Variants in MUC4 observed in about 807,000 individuals in gnomAD.
MUC4 encodes the protein mucin 4, cell surface associated, also known as mucin-4.
A neutral mutation model predicts 257.9 loss-of-function variants in MUC4; 202 were observed. The ratio of observed to expected loss-of-function variants is 0.78; its 90% CI spans 0.70 to 0.88. The LOEUF (loss-of-function observed/expected upper bound fraction) is 0.88. MUC4 is among the 40% of genes least tolerant of loss of function. The pLI is 0.00. For synonymous variants in MUC4, 2,351 were observed against 2,757.1 expected (o/e 0.85, Z 4.62); for missense variants, 5,976 against 6,513.7 (o/e 0.92, Z 2.84).
chr3:195,799,016 C>T (rs888689471), intron 1 of MUC4, among the ~76,000 whole-genome samples: 22 of 152,226 alleles, frequency 1.4e-4, no homozygotes, highest in African/African-American at 5.1e-4. Flanking sequence ...AGCCACTCCC[C>T]CAACTGGAAG....
Position 195,783,131 on chromosome 3 carries a change from GAGAGGTGGCGTGACCTGT to G in MUC4, c.8431_8448del (p.Thr2811_Ser2816del). ...ACTGAGGAAGCGTCGGTGACAGGAA[GAGAGGTGGCGTGACCTGT>G]GGACACTGACGAAGCGTCGGTGACA... On this transcript the variant is annotated inframe_deletion, in exon 2 of 25. Transcript: ENST00000463781. 1 of 1,294,162 alleles carries G rather than the reference GAGAGGTGGCGTGACCTGT, an allele frequency of 7.7e-7. No individual in the cohort carries two copies. Among genetic ancestry groups the G allele is most frequent in the Non-Finnish European group, 1.0e-6 (1 of 971,046 alleles). The allele number at this position is 1,294,162 out of a possible 1,614,324, so 80.2% of individuals were successfully genotyped here. A position where few individuals can be genotyped will look rare whatever the true frequency, so the allele number is the denominator to read the frequency against.
intron 3 of MUC4, among the ~76,000 whole-genome samples, chr3:195,775,325 G>A (rs1056033109): frequency 2.3e-5 from 1 of 43,044 alleles, no homozygotes; most frequent in Non-Finnish European, 4.5e-5. Context: ...AAATGCTTCG[G>A]GGATCCACCC....
chr3:195,754,891 ATCCATGTATGTATGTG>A (rs1199620281), intron 18 of MUC4, among the ~76,000 whole-genome samples: 1 of 75,200 alleles, frequency 1.3e-5, no homozygotes, highest in Non-Finnish European at 3.1e-5. Context: ...CCATGTATGT[ATCCATGTATGTATGTG>A]TGTGTCATGC....
intron 1 of MUC4, among the ~76,000 whole-genome samples, chr3:195,809,125 C>A (rs1736371749): frequency 6.6e-6 from 1 of 152,184 alleles, no homozygotes; most frequent in Non-Finnish European, 1.5e-5. Flanking sequence ...CAGTAGACAC[C>A]AAATTTCCAT....
intron 24 of MUC4, among the ~76,000 whole-genome samples, chr3:195,747,812 G>T (rs1715362105): frequency 6.6e-6 from 1 of 152,288 alleles, no homozygotes; most frequent in Non-Finnish European, 1.5e-5. Context: ...AGTGAGCCGA[G>T]ATTGCAACAC....
At position 195,789,094 on chromosome 3, in the gene MUC4, C is replaced by T; in HGVS notation, c.2486G>A (p.Arg829Lys). Residue 829 changes from arginine (R) to lysine (K), a missense_variant, in exon 2 of 25, where the codon AGG becomes AAG. Arg to Lys is a conservative substitution (Grantham distance 26). This residue lies in a region of MUC4 where 1,583 missense variants were observed against 1,257.4 expected (regional missense o/e 1.26). Coordinates refer to ENST00000463781, the MANE Select transcript of MUC4 (RefSeq NM_018406.7). Reference protein sequence around the residue: ...EGISTSGETTRFSSNPSRDSH... With the variant: ...EGISTSGETTKFSSNPSRDSH... Reference sequence around the variant, plus strand: ...GTCCCTGGAGGGGTTTGATGAAAACCTTGTCGTCTCTCCTGAGGTGGATAT... The same window carrying T: ...GTCCCTGGAGGGGTTTGATGAAAACTTTGTCGTCTCTCCTGAGGTGGATAT... The T allele has an allele frequency of 6.2e-7, 1 of 1,613,104 alleles. No homozygotes were observed. The highest frequency in any genetic ancestry group is 8.5e-7 in the Non-Finnish European group (1 of 1,179,478).
intron 7 of MUC4, among the ~76,000 whole-genome samples, chr3:195,768,739 A>T (rs1228734183): frequency 2.6e-5 from 4 of 152,242 alleles, no homozygotes; most frequent in African/African-American, 9.6e-5. Flanking sequence ...AGAAGGTAAG[A>T]GAGGCCAGCT....
At position 195,785,024 on chromosome 3, in the gene MUC4, A is replaced by T. The variant is rs530130152; in HGVS notation, c.6556T>A (p.Ser2186Thr). 3.9e-6 allele frequency: 6 copies of T among 1,549,696 alleles called. No individual in the cohort carries two copies. Among genetic ancestry groups the T allele is most frequent in the East Asian group, 4.9e-5 (2 of 41,048 alleles). The change falls in exon 2 of 25, where the codon TCC becomes ACC. Residue 2186 changes from serine to threonine, a missense_variant. Coordinates refer to ENST00000463781, the MANE Select transcript of MUC4 (RefSeq NM_018406.7). Reference protein sequence around the residue: ...SLPVTDTSSASTGHATPLPVT... With the variant: ...SLPVTDTSSATTGHATPLPVT... ...GGAAGAGGGGTGGCGTGACCTGTGG[A>T]TGCTGAGGAAGTGTCGGTGACAGGA...
chr3:195,760,470 G>C (rs2550276), intron 16 of MUC4, among the ~76,000 whole-genome samples: 50,676 of 81,480 alleles, frequency 0.62, 18,335 homozygotes, highest in African/African-American at 0.67. Flanking sequence ...GCTGGGAAGG[G>C]GTCCAGCGCT....
At chr3:195,792,702 T>G (rs1175524527) in intron 1 of MUC4, among the ~76,000 whole-genome samples, 1 of 152,202 alleles carries the variant, frequency 6.6e-6, no homozygotes, top group Non-Finnish European at 1.5e-5. Context: ...TGCAGCACTA[T>G]TTACAATAGT....
In MUC4 at chr3:195,753,036, G is replaced by T; in HGVS notation, c.15508+15C>A. On this transcript the variant is annotated intron_variant, in intron 20 of 24. Coordinates refer to ENST00000463781, the MANE Select transcript of MUC4 (RefSeq NM_018406.7). Reference sequence around the variant, plus strand: ...GAAGAGTGCGGGGGTGAGAGGGCGGGGTCTCTGGCGGTACCTAGGTTGACA... The same window carrying T: ...GAAGAGTGCGGGGGTGAGAGGGCGGTGTCTCTGGCGGTACCTAGGTTGACA... 6.2e-7 allele frequency: 1 copy of T among 1,606,912 alleles called. No homozygotes were observed.
In MUC4 at chr3:195,778,929, TGCTG is replaced by T. The variant is rs1725756839; in HGVS notation, c.12647_12650del (p.Ser4216TyrfsTer42). 2.0e-6 allele frequency: 3 copies of T among 1,507,620 alleles called. No homozygotes were observed. The highest frequency in any genetic ancestry group is 2.7e-6 in the Non-Finnish European group (3 of 1,124,022). 93.4% of individuals were successfully genotyped at this position (1,507,620 alleles called of 1,614,324 possible). ...GAAGAGGGGTGGCGTGACCTGTGGA[TGCTG>T]AGGAAGTGTCGGTGACAGGAAGAGG... On this transcript the variant is annotated frameshift_variant, in exon 2 of 25. Transcript: ENST00000463781. LOFTEE classifies it high-confidence loss of function.
chr3:195,778,395 G>A lies in MUC4; in HGVS notation c.12851C>T (p.Pro4284Leu), dbSNP rs775623083. The A allele has an allele frequency of 5.0e-6, 8 of 1,613,298 alleles. No individual in the cohort carries two copies. The Admixed American group carries it at 6.7e-5, about 13-fold the overall frequency. ...GGRRTATSPP[P>L]TTSQTIISTI... ...GGAAATGATGGTCTGGGAGGTTGTG[G>A]GGGGTGGTGATGTGGCTGTGCGTCT... The change falls in exon 3 of 25, where the codon CCC (proline) becomes CTC (leucine). Residue 4284 changes from proline (P) to leucine (L), a missense_variant. Pro to Leu is a moderately conservative substitution (Grantham distance 98, BLOSUM62 -3). Around this residue, in one of 44 missense-constraint regions of MUC4, gnomAD observed 233 missense variants for 171.2 expected, o/e 1.36. Transcript: ENST00000463781.
At position 195,766,668 on chromosome 3, in the gene MUC4, T is replaced by C. The variant is rs1475990048; in HGVS notation, c.13613A>G (p.Asn4538Ser). The C allele has an allele frequency of 2.5e-6, 4 of 1,613,946 alleles. No individual in the cohort carries two copies. In the South Asian group the frequency reaches 3.3e-5, roughly 13 times the overall value. ...TGATAAGGTGGCACTTTTACCTGAG[T>C]TGGAATTCAGGAATCTATCAGGGCG... Reference protein sequence around the residue: ...RYRPDRFLNSNSGLQGLQFYR... With the variant: ...RYRPDRFLNSSSGLQGLQFYR... The change falls in exon 8 of 25, where the codon AAC becomes AGC. Residue 4538 changes from asparagine (N) to serine (S), a missense_variant. By Grantham distance (46) the Asn-to-Ser change is conservative. Transcript: ENST00000463781.
Position 195,747,270 on chromosome 3 carries a change from A to G in MUC4, c.16145T>C (p.Leu5382Pro). ...GACCACGAACGTCCCGACCCCCAGC[A>G]GCAAGAGGCCGCCCAGGGCCCCAAA... The part of the protein sequence containing the change: ...IFFGALGGLL[L>P]LGVGTFVVLR... The change falls in exon 25 of 25, where the codon CTG becomes CCG. Residue 5382 changes from leucine to proline, a missense_variant. Coordinates refer to ENST00000463781, the MANE Select transcript of MUC4 (RefSeq NM_018406.7). The G allele has an allele frequency of 6.2e-7, 1 of 1,614,254 alleles. No individual in the cohort carries two copies. The highest frequency in any genetic ancestry group is 1.1e-5 in the South Asian group (1 of 91,084).
intron 18 of MUC4, among the ~76,000 whole-genome samples, chr3:195,756,736 C>T (rs529387991): frequency 2.0e-5 from 3 of 151,656 alleles, no homozygotes; most frequent in African/African-American, 7.3e-5. Context: ...AATCTTGGCT[C>T]ACTGTAACCT....
intron 19 of MUC4, chr3:195,753,969 G>T: frequency 6.4e-6 from 3 of 469,304 alleles, no homozygotes; most frequent in Non-Finnish European, 3.7e-6. Context: ...CCTCCCCTAT[G>T]CCTGTACAAC....
chr3:195,779,203 G>C lies in MUC4; in HGVS notation c.12377C>G (p.Ala4126Gly). 5 of 1,342,874 alleles carry C rather than the reference G, an allele frequency of 3.7e-6. 1 individual carries two copies. Among genetic ancestry groups the C allele is most frequent in the Non-Finnish European group, 5.0e-6 (5 of 1,000,474 alleles). 83.2% of individuals were successfully genotyped at this position (1,342,874 alleles called of 1,614,324 possible). A position where few individuals can be genotyped will look rare whatever the true frequency, so the allele number is the denominator to read the frequency against. The change falls in exon 2 of 25, where the codon GCC becomes GGC. Residue 4126 changes from alanine to glycine, a missense_variant. Ala to Gly is a moderately conservative substitution (Grantham distance 60, BLOSUM62 0). This residue lies in a region of MUC4 where 293 missense variants were observed against 294.5 expected (regional missense o/e 1.00). Coordinates refer to ENST00000463781, the MANE Select transcript of MUC4 (RefSeq NM_018406.7). The stretch of plus-strand genomic sequence containing the variant: ...AAGGCTGGTGACAGGAAGAGGGGTG[G>C]CCTGACCTGTGGATGCAGAGGAAGT... ...TDTSSASTGQ[A>G]TPLPVTSLSS...
In MUC4 at chr3:195,790,910, A is replaced by C; in HGVS notation, c.670T>G (p.Phe224Val). ...GTCACATTGTGTACACTTGGAGAGA[A>C]AGAAGGAGTTGAAGTGGTTCTGTGT... ...LTHRTTSTPSFSPSVHNVTGT... is the reference protein window; with the variant it reads ...LTHRTTSTPSVSPSVHNVTGT... The change falls in exon 2 of 25, where the codon TTC becomes GTC. Residue 224 changes from phenylalanine (F) to valine (V), a missense_variant. Physicochemically the swap from Phe to Val is conservative, Grantham distance 50 (BLOSUM62 -1). This residue lies in a region of MUC4 where 1,583 missense variants were observed against 1,257.4 expected (regional missense o/e 1.26). Coordinates refer to ENST00000463781, the MANE Select transcript of MUC4 (RefSeq NM_018406.7). 6.2e-7 allele frequency: 1 copy of C among 1,613,934 alleles called. No homozygotes were observed. Among genetic ancestry groups the C allele is most frequent in the Non-Finnish European group, 8.5e-7 (1 of 1,179,874 alleles).
Sources: allele counts gnomAD v4.1 joint callset (sites outside exome capture counted in the v4.1 genomes callset), GRCh38; gene constraint gnomAD v4.1.1; regional missense constraint gnomAD v4.1.1; transcripts MANE v1.5; gene names NCBI Gene and HGNC (gene_info 2026-07-23, HGNC 2026-07-21).